Variants in RBM34 observed in about 807,000 individuals in gnomAD.
RBM34 encodes the protein RNA-binding protein 34.
In RBM34, 39 loss-of-function variants were observed where a neutral mutation model predicts 44.6. The ratio of observed to expected loss-of-function variants is 0.87; its 90% CI spans 0.68 to 1.14. The LOEUF is 1.14. Ranked by LOEUF, RBM34 falls within the 50% of genes most tolerant of loss-of-function variation. The pLI, the probability that RBM34 is intolerant of heterozygous loss-of-function variation, is 0.00. For synonymous variants in RBM34, 194 were observed against 184.0 expected (o/e 1.05, Z -0.44); for missense variants, 572 against 517.9 (o/e 1.10, Z -1.01).
At position 235,148,457 on chromosome 1, in the gene RBM34, G is replaced by GAAA; in HGVS notation, c.658-13_658-11dup. On this transcript the variant is annotated splice_polypyrimidine_tract_variant and intron_variant, in intron 5 of 10. Coordinates refer to ENST00000408888, the MANE Select transcript of RBM34 (RefSeq NM_015014.4). ...TTCCCTCTGCTGGAATCTTTCAAGA[G>GAAA]AAAAAAAAAAGTATTAAAGACAGTA... 1 of 1,438,328 alleles carries GAAA rather than the reference G, an allele frequency of 7.0e-7. No individual in the cohort carries two copies. 89.1% of individuals were successfully genotyped at this position (1,438,328 alleles called of 1,614,324 possible).
At chr1:235,148,785 A>C (rs1453245816) in intron 5 of RBM34, among the ~76,000 whole-genome samples, 2 of 151,850 alleles carry the variant, frequency 1.3e-5, no homozygotes, top group African/African-American at 4.8e-5. Context: ...TTTTTAGTAG[A>C]GATGCGGTTT....
In RBM34 at chr1:235,154,959, T is replaced by C. The variant is rs373929216; in HGVS notation, c.519A>G (p.Gln173=). 9.3e-6 allele frequency: 15 copies of C among 1,613,994 alleles called. No homozygotes were observed. Among genetic ancestry groups the C allele is most frequent in the Non-Finnish European group, 1.3e-5 (15 of 1,179,998 alleles). The change falls in exon 4 of 11, where the codon CAA becomes CAG. Residue 173 remains glutamine, a synonymous_variant. Transcript: ENST00000408888. ...TTAATCTCTCTTCTTCTTGGTTGAT[T>C]TGAATTTTCTTTCTTTGACTGACAA... is the stretch of plus-strand genomic sequence containing the variant. ...DTVVSQRKKI[Q]INQEEERLKN...
chr1:235,153,425 C>CTTTTT (rs1189611806), intron 4 of RBM34, among the ~76,000 whole-genome samples: 2 of 142,800 alleles, frequency 1.4e-5, no homozygotes, highest in Non-Finnish European at 3.1e-5. Context: ...CAGGAATAAA[C>CTTTTT]TTTTTTTTTT....
At chr1:235,159,810 A>G (rs959665705) in intron 3 of RBM34, among the ~76,000 whole-genome samples, 1 of 150,968 alleles carries the variant, frequency 6.6e-6, no homozygotes, top group African/African-American at 2.4e-5. Flanking sequence ...TGGAGGTTGC[A>G]GTGAGCTGAG....
Position 235,146,717 on chromosome 1 carries a change from A to T in RBM34, c.701+1687T>A, listed in dbSNP as rs186139229. On this transcript the variant is annotated intron_variant, in intron 6 of 10. Coordinates refer to ENST00000408888, the MANE Select transcript of RBM34 (RefSeq NM_015014.4). ...CTCACTGCAACCTTCATCTCCTGGG[A>T]TCAAGCGATTCTCTTGCCTCAGCCT... 1.7e-4 allele frequency among the ~76,000 whole-genome samples: 26 copies of T among 152,168 alleles called. No individual in the cohort carries two copies. In the East Asian group the frequency reaches 4.8e-3, roughly 28 times the overall value.
intron 3 of RBM34, among the ~76,000 whole-genome samples, chr1:235,155,864 T>C (rs28539279): frequency 0.44 from 35,323 of 81,110 alleles, 8,737 homozygotes; most frequent in South Asian, 0.66. Context: ...TATATATATA[T>C]ATACATATAT....
At chr1:235,147,771 T>C (rs1042698414) in intron 6 of RBM34, among the ~76,000 whole-genome samples, 1 of 152,124 alleles carries the variant, frequency 6.6e-6, no homozygotes, top group African/African-American at 2.4e-5. Flanking sequence ...TATAAAGAAA[T>C]ATCTGCTTAT....
At position 235,137,912 on chromosome 1, in the gene RBM34, G is replaced by A. The variant is rs746050670; in HGVS notation, c.814C>T (p.Arg272Cys). 80 of 1,604,368 alleles carry A rather than the reference G, an allele frequency of 5.0e-5. No homozygotes were observed. Among genetic ancestry groups the A allele is most frequent in the Non-Finnish European group, 6.2e-5 (73 of 1,173,078 alleles). The change falls in exon 8 of 11, where the codon CGT becomes TGT. Residue 272 changes from arginine to cysteine, a missense_variant. Coordinates refer to ENST00000408888, the MANE Select transcript of RBM34 (RefSeq NM_015014.4). ...RNGAQIADGF[R>C]IRVDLASETS... The stretch of plus-strand genomic sequence containing the variant: ...TCAGATGCGAGATCAACTCTAATAC[G>A]AAATCCATCTGCAATCTGGGCCCCA...
At chr1:235,155,858 T>TAC (rs1662411715) in intron 3 of RBM34, among the ~76,000 whole-genome samples, 5 of 42,156 alleles carry the variant, frequency 1.2e-4, no homozygotes, top group African/African-American at 5.5e-4. Flanking sequence ...TATATATATA[T>TAC]ATATATATAC....
rs183254330 is a variant in RBM34 at position 235,142,966 on chromosome 1, A to G, written c.702-4792T>C. Among the ~76,000 whole-genome samples, 5 of 151,210 alleles carry G rather than the reference A, an allele frequency of 3.3e-5. No homozygotes were observed. The East Asian group carries it at 9.7e-4, about 29-fold the overall frequency. On this transcript the variant is annotated intron_variant, in intron 6 of 10. Transcript: ENST00000408888. Reference sequence around the variant, plus strand: ...AAAAAAAGACACCTCTAAAAAAGCCAGCCACAAACTGGAGCAAAATATCTG... The same window carrying G: ...AAAAAAAGACACCTCTAAAAAAGCCGGCCACAAACTGGAGCAAAATATCTG...
chr1:235,134,197 A>C (rs978486629), intron 10 of RBM34, among the ~76,000 whole-genome samples: 3 of 151,886 alleles, frequency 2.0e-5, no homozygotes, highest in Non-Finnish European at 4.4e-5. Flanking sequence ...TGATTTTTGT[A>C]TTTTTTTGTA....
intron 4 of RBM34, among the ~76,000 whole-genome samples, chr1:235,153,020 C>A (rs1393533561): frequency 6.6e-6 from 1 of 152,010 alleles, no homozygotes; most frequent in Non-Finnish European, 1.5e-5. Context: ...CAGGCGCCCG[C>A]CACCATGCTC....
At chr1:235,150,160 C>T (rs559459764) in intron 5 of RBM34, among the ~76,000 whole-genome samples, 3 of 152,326 alleles carry the variant, frequency 2.0e-5, no homozygotes, top group South Asian at 2.1e-4. Context: ...CTGCAACTTC[C>T]GCCTCTCAGG....
intron 10 of RBM34, among the ~76,000 whole-genome samples, chr1:235,134,649 TTTAA>T (rs1488631846): frequency 6.6e-6 from 1 of 152,152 alleles, no homozygotes; most frequent in Non-Finnish European, 1.5e-5. Flanking sequence ...ATCAAAAACA[TTTAA>T]TTAGTATGAA....
At chr1:235,145,144 T>G (rs1481367242) in intron 6 of RBM34, among the ~76,000 whole-genome samples, 1 of 152,110 alleles carries the variant, frequency 6.6e-6, no homozygotes, top group African/African-American at 2.4e-5. Context: ...ATCCCACAGA[T>G]CAATAAGACT....
intron 5 of RBM34, among the ~76,000 whole-genome samples, chr1:235,149,805 T>C (rs1662081099): frequency 6.6e-6 from 1 of 152,102 alleles, no homozygotes; most frequent in Non-Finnish European, 1.5e-5. Context: ...CCATGTAGGG[T>C]AGTTATTATA....
intron 10 of RBM34, 72 bp downstream of exon 10, chr1:235,135,577 AATG>A: frequency 8.2e-7 from 1 of 1,225,158 alleles, no homozygotes; most frequent in South Asian, 1.2e-5. Flanking sequence ...GTTATGTCTC[AATG>A]ATGACATGCA....
chr1:235,132,074 C>T (rs1010930627), intron 10 of RBM34, 77 bp from the exon 11 acceptor site: 1 of 1,351,826 alleles, frequency 7.4e-7, no homozygotes, highest in Non-Finnish European at 1.0e-6. Context: ...GTCACTTTAA[C>T]AGATGAGAAC....
At chr1:235,148,584 C>T in intron 5 of RBM34, 137 bp from the exon 6 acceptor site, 1 of 568,238 alleles carries the variant, frequency 1.8e-6, no homozygotes, top group Admixed American at 4.3e-5. Context: ...AAATCAGAAA[C>T]AACTGTCCTA....
Sources: allele counts gnomAD v4.1 joint callset (sites outside exome capture counted in the v4.1 genomes callset), GRCh38; gene constraint gnomAD v4.1.1; transcripts MANE v1.5; gene names NCBI Gene and HGNC (gene_info 2026-07-23, HGNC 2026-07-21).